Variants in LRPPRC observed in about 807,000 individuals in gnomAD.
LRPPRC encodes leucine rich pentatricopeptide repeat containing.
Under a neutral mutation model 180.3 loss-of-function variants are expected in LRPPRC, and 120 were observed. The ratio of observed to expected loss-of-function variants is 0.67; its 90% CI spans 0.57 to 0.77. The LOEUF (loss-of-function observed/expected upper bound fraction) is 0.77, where lower values mean the gene tolerates loss of function less well. LRPPRC is among the 30% of genes least tolerant of loss of function. The probability of loss-of-function intolerance (pLI) is 0.00; values close to 1 mark genes in which losing one functional copy is unlikely to be tolerated. For missense variants in LRPPRC, 2,012 were observed against 1,657.2 expected (o/e 1.21, Z -3.72); for synonymous variants, 723 against 600.0 (o/e 1.21, Z -3.00).
rs778219550 is a variant in LRPPRC, at chr2:43,977,205, G to A, written c.541C>T (p.Pro181Ser). 1.9e-6 allele frequency: 3 copies of A among 1,606,152 alleles called. No homozygotes were observed. The change falls in exon 4 of 38, where the codon CCA becomes TCA. Residue 181 changes from proline (P) to serine (S), a missense_variant. Pro to Ser is a moderately conservative substitution (Grantham distance 74, BLOSUM62 -1). Transcript: ENST00000260665. Reference protein sequence around the residue: ...VYLQNEYKFSPTDFLAKMEEA... With the variant: ...VYLQNEYKFSSTDFLAKMEEA... ...TCCATTTTTGCCAGGAAATCAGTTG[G>A]TGAGAATTTATATTCATTTTGAAGA... is the stretch of plus-strand genomic sequence containing the variant.
intron 11 of LRPPRC, among the ~76,000 whole-genome samples, chr2:43,971,634 TC>T (rs11310722): frequency 0.19 from 28,568 of 151,752 alleles, 3,473 homozygotes; most frequent in African/African-American, 0.34. Flanking sequence ...ATGTATTTAT[TC>T]CTCATGAAAC....
Position 43,948,135 on chromosome 2 carries a change from G to C in LRPPRC, c.1907C>G (p.Pro636Arg). Residue 636 changes from proline (P) to arginine (R), a missense_variant, in exon 18 of 38, where the codon CCT becomes CGT. Coordinates refer to ENST00000260665, the MANE Select transcript of LRPPRC (RefSeq NM_133259.4). ...TTTCACACACACCTTAATCAATTCA[G>C]GAACATGGTAGCTTTCCAGGAGATT... ...IRNLLESYHV[P>R]ELIKDAHLLV... 2 of 1,597,440 alleles carry C rather than the reference G, an allele frequency of 1.3e-6. No individual in the cohort carries two copies. The highest frequency in any genetic ancestry group is 1.7e-6 in the Non-Finnish European group (2 of 1,165,214).
chr2:43,918,232 T>G (rs764676229), intron 28 of LRPPRC, 24 bp downstream of exon 28: 2 of 1,611,732 alleles, frequency 1.2e-6, no homozygotes, highest in Non-Finnish European at 1.7e-6. Flanking sequence ...CAAAATCTGT[T>G]ACGATTATGC....
At chr2:43,991,681 G>C (rs1243903127) in intron 1 of LRPPRC, among the ~76,000 whole-genome samples, 1 of 152,160 alleles carries the variant, frequency 6.6e-6, no homozygotes, top group Non-Finnish European at 1.5e-5. Flanking sequence ...GCATCTATTT[G>C]AAAAATAGAT....
intron 37 of LRPPRC, among the ~76,000 whole-genome samples, chr2:43,888,987 T>A (rs943923798): frequency 2.6e-5 from 4 of 152,160 alleles, no homozygotes; most frequent in African/African-American, 7.2e-5. Flanking sequence ...TTCAATGACA[T>A]AACAAAAAGG....
chr2:43,995,975 A>C lies in LRPPRC; in HGVS notation c.-28T>G. 1.3e-6 allele frequency: 2 copies of C among 1,523,506 alleles called. No individual in the cohort carries two copies. Among genetic ancestry groups the C allele is most frequent in the African/African-American group, 2.8e-5 (2 of 71,514 alleles). The allele number at this position is 1,523,506 out of a possible 1,614,324, so 94.4% of individuals were successfully genotyped here. On this transcript the variant is annotated 5_prime_UTR_variant, in exon 1 of 38. Transcript: ENST00000260665. ...CTCGAACGTCCCCGCAGCGGGAAGC[A>C]CGCTCCGCCAGAAGGACAGGAGGAG...
chr2:43,890,561 A>G (rs1456350311), intron 36 of LRPPRC, among the ~76,000 whole-genome samples: 1 of 152,076 alleles, frequency 6.6e-6, no homozygotes, highest in African/African-American at 2.4e-5. Flanking sequence ...AAAATACAAA[A>G]AATTAGCCGG....
rs1448607108 is a variant in LRPPRC, at chr2:43,937,610, T to G, written c.2505-2732A>C. 7.2e-5 allele frequency among the ~76,000 whole-genome samples: 11 copies of G among 152,344 alleles called. No homozygotes were observed. In the East Asian group the frequency reaches 2.1e-3, roughly 29 times the overall value. On this transcript the variant is annotated intron_variant, in intron 23 of 37. Coordinates refer to ENST00000260665, the MANE Select transcript of LRPPRC (RefSeq NM_133259.4). ...TTTCCATCCCAACTGATAAGAGTAC[T>G]TATGCTACTCAGCTGTAGCAACGTG...
At chr2:43,958,045 T>C (rs1673194339) in intron 13 of LRPPRC, among the ~76,000 whole-genome samples, 1 of 152,256 alleles carries the variant, frequency 6.6e-6, no homozygotes. Context: ...TTTGCTCTAC[T>C]ACTCATTTTG....
intron 13 of LRPPRC, among the ~76,000 whole-genome samples, chr2:43,959,842 C>A (rs1673266373): frequency 6.6e-6 from 1 of 152,092 alleles, no homozygotes; most frequent in South Asian, 2.1e-4. Context: ...CAAGTTCGCA[C>A]CACTGCATTC....
chr2:43,892,559 C>T (rs1670528851), intron 36 of LRPPRC: 2 of 152,160 alleles, frequency 1.3e-5, no homozygotes, highest in Admixed American at 6.5e-5. Context: ...TGATAATGCA[C>T]CTGGTCACCC....
At chr2:43,953,751 G>C (rs1672995078) in intron 14 of LRPPRC, among the ~76,000 whole-genome samples, 1 of 152,140 alleles carries the variant, frequency 6.6e-6, no homozygotes, top group African/African-American at 2.4e-5. Flanking sequence ...TAATCTGAAA[G>C]CACACATAAA....
Position 43,915,407 on chromosome 2 carries a change from G to A in LRPPRC, c.3148+2618C>T, listed in dbSNP as rs142039844. 5.3e-5 allele frequency among the ~76,000 whole-genome samples: 8 copies of A among 152,106 alleles called. No individual in the cohort carries two copies. In the East Asian group the frequency reaches 5.8e-4, roughly 11 times the overall value. ...AAAGGAAAATGCCTCAGAATGGGCC[G>A]GGCATGGTGGCTCACGCCTGTAATC... is the stretch of plus-strand genomic sequence containing the variant. On this transcript the variant is annotated intron_variant, in intron 29 of 37. Transcript: ENST00000260665.
chr2:43,962,182 C>T (rs868478273), intron 12 of LRPPRC, among the ~76,000 whole-genome samples: 1 of 152,010 alleles, frequency 6.6e-6, no homozygotes, highest in Non-Finnish European at 1.5e-5. Context: ...AAGCAGTAAC[C>T]ACAAAGACAC....
rs147302249 is a variant in LRPPRC at position 43,889,784 on chromosome 2, C to G, written c.4078G>C (p.Ala1360Pro). 6.2e-7 allele frequency: 1 copy of G among 1,611,858 alleles called. No homozygotes were observed. Among genetic ancestry groups the G allele is most frequent in the Non-Finnish European group, 8.5e-7 (1 of 1,177,936 alleles). The change falls in exon 37 of 38, where the codon GCA (alanine) becomes CCA (proline). Residue 1360 changes from alanine (A) to proline (P), a missense_variant. Ala to Pro is a conservative substitution (Grantham distance 27). Coordinates refer to ENST00000260665, the MANE Select transcript of LRPPRC (RefSeq NM_133259.4). ...KLDDLFLKRY[A>P]SLLKYAGEPV... ...TCTCCAGCATACTTCAGCAAAGATG[C>G]GTAACGCTTTAGAAACAGATCATCC...
At chr2:43,986,912 T>C (rs1463710963) in intron 1 of LRPPRC, among the ~76,000 whole-genome samples, 1 of 152,210 alleles carries the variant, frequency 6.6e-6, no homozygotes, top group Non-Finnish European at 1.5e-5. Flanking sequence ...AAAACTAGTT[T>C]TCATAGAGCC....
chr2:43,986,190 G>A (rs1176103811), intron 1 of LRPPRC, among the ~76,000 whole-genome samples: 1 of 152,024 alleles, frequency 6.6e-6, no homozygotes, highest in South Asian at 2.1e-4. Flanking sequence ...GAGTACAATG[G>A]CGCGACCTCA....
rs1419820882 is a variant in LRPPRC at position 43,975,087 on chromosome 2, A to G, written c.864+4T>C. 9.3e-6 allele frequency: 15 copies of G among 1,612,366 alleles called. No homozygotes were observed. Among genetic ancestry groups the G allele is most frequent in the Non-Finnish European group, 1.2e-5 (14 of 1,179,764 alleles). On this transcript the variant is annotated splice_donor_region_variant and intron_variant, in intron 7 of 37. Coordinates refer to ENST00000260665, the MANE Select transcript of LRPPRC (RefSeq NM_133259.4). Reference sequence around the variant, plus strand: ...AAGTATGTTTATTTAGACATAAGTCATACCTGCTTAACATGGTCAATGTCG... The same window carrying G: ...AAGTATGTTTATTTAGACATAAGTCGTACCTGCTTAACATGGTCAATGTCG...
intron 30 of LRPPRC, among the ~76,000 whole-genome samples, chr2:43,912,230 A>C (rs1472398991): frequency 6.6e-6 from 1 of 152,222 alleles, no homozygotes; most frequent in Non-Finnish European, 1.5e-5. Flanking sequence ...AATGTACTGC[A>C]CTGTATATGG....
Sources: gnomAD v4.1 joint callset for allele counts (sites outside exome capture counted in the v4.1 genomes callset) on GRCh38, gnomAD v4.1.1 for gene constraint, MANE v1.5 for transcripts, NCBI Gene and HGNC (gene_info 2026-07-23, HGNC 2026-07-21) for gene names.